The following NRG1 variants were observed in gnomAD, a reference collection of about 807,000 sequenced individuals.
NRG1 encodes pro-neuregulin-1, membrane-bound isoform.
In NRG1, 18 loss-of-function variants were observed where a neutral mutation model predicts 63.8. That is an observed-to-expected ratio of 0.28 (90% CI 0.19 to 0.42). The LOEUF (loss-of-function observed/expected upper bound fraction) is 0.42. NRG1 is among the 10% of genes least tolerant of loss of function. The pLI, the probability that NRG1 is intolerant of heterozygous loss-of-function variation, is 1.00. For missense variants in NRG1, 762 were observed against 814.7 expected (o/e 0.94, Z 0.79); for synonymous variants, 302 against 301.3 (o/e 1.00, Z -0.02).
rs1285325036 is a variant in NRG1 at position 32,381,804 on chromosome 8, A to G, written c.38-214024A>G. On this transcript the variant is annotated intron_variant, in intron 1 of 10. Coordinates refer to the NRG1 transcript ENST00000519301. The stretch of plus-strand genomic sequence containing the variant: ...ATGACCCTGTTGAACTATACAAAAT[A>G]TAAACAAAGAACAATATCTGAAACA... Among the ~76,000 whole-genome samples the G allele has an allele frequency of 3.3e-5, 5 of 152,236 alleles. No individual in the cohort carries two copies. The East Asian group carries it at 5.8e-4, about 18-fold the overall frequency.
chr8:31,810,105 A>G (rs781130538), intron 1 of NRG1, among the ~76,000 whole-genome samples: 2 of 151,996 alleles, frequency 1.3e-5, no homozygotes. Context: ...TACATTCTAC[A>G]TCCAATGTAT....
chr8:31,803,762 C>T (rs1489782119), intron 1 of NRG1, among the ~76,000 whole-genome samples: 2 of 152,182 alleles, frequency 1.3e-5, no homozygotes, highest in African/African-American at 2.4e-5. Context: ...CTTTCCATGG[C>T]CTAAAGGGTC....
chr8:31,796,414 C>CTTTTTTTTTTTTTTTTTTTTTT (rs1158508289), intron 1 of NRG1, among the ~76,000 whole-genome samples: 1 of 43,340 alleles, frequency 2.3e-5, no homozygotes. Context: ...GGCGTATAAT[C>CTTTTTTTTTTTTTTTTTTTTTT]TTTTTTTTTT....
intron 1 of NRG1, among the ~76,000 whole-genome samples, chr8:31,691,798 TGAA>T (rs773942152): frequency 1.3e-5 from 2 of 152,112 alleles, no homozygotes; most frequent in Non-Finnish European, 2.9e-5. Context: ...TCTACAGAGA[TGAA>T]TCTAGTTCTT....
chr8:32,123,599 T>C (rs1208865984), intron 1 of NRG1, among the ~76,000 whole-genome samples: 3 of 148,500 alleles, frequency 2.0e-5, no homozygotes, highest in Non-Finnish European at 3.0e-5. Context: ...TATATACTTA[T>C]ATATAATAAT....
intron 7 of NRG1, among the ~76,000 whole-genome samples, chr8:32,744,315 C>T (rs964934240): frequency 6.6e-6 from 1 of 152,048 alleles, no homozygotes. Flanking sequence ...TCAAAGACAA[C>T]TTCGTAGGCC....
chr8:32,427,390 G>T (rs1411192319), intron 1 of NRG1, among the ~76,000 whole-genome samples: 1 of 151,942 alleles, frequency 6.6e-6, no homozygotes, highest in Non-Finnish European at 1.5e-5. Flanking sequence ...TCCTTCCTGC[G>T]ATCACAGCTG....
At chr8:32,412,731 A>G (rs1458730546) in intron 1 of NRG1, among the ~76,000 whole-genome samples, 4 of 151,982 alleles carry the variant, frequency 2.6e-5, no homozygotes, top group African/African-American at 9.6e-5. Context: ...TGAATACTGG[A>G]GGCAATTTCT....
At chr8:32,544,959 T>G (rs1011923691), upstream of NRG1, among the ~76,000 whole-genome samples, 4 of 147,244 alleles carry the variant, frequency 2.7e-5, no homozygotes, top group African/African-American at 7.5e-5. Flanking sequence ...TTGTTGCAGT[T>G]TTTAAAAAAG....
At chr8:31,912,062 G>T (rs1832986592) in intron 1 of NRG1, among the ~76,000 whole-genome samples, 1 of 152,106 alleles carries the variant, frequency 6.6e-6, no homozygotes, top group Non-Finnish European at 1.5e-5. Context: ...TGATAGACTT[G>T]TTGTGAGTGT....
chr8:31,779,808 A>G (rs1469966967), intron 1 of NRG1, among the ~76,000 whole-genome samples: 1 of 152,242 alleles, frequency 6.6e-6, no homozygotes, highest in Admixed American at 6.5e-5. Flanking sequence ...TTTCTATTAT[A>G]TAAAATGAGA....
At chr8:31,808,800 C>T (rs35646109) in intron 1 of NRG1, among the ~76,000 whole-genome samples, 7,805 of 152,060 alleles carry the variant, frequency 0.051, 270 homozygotes, top group Admixed American at 0.11. Flanking sequence ...AGATTGCCAT[C>T]GTTTCATTTT....
At chr8:32,365,524 A>G (rs1807852318) in intron 1 of NRG1, among the ~76,000 whole-genome samples, 1 of 152,046 alleles carries the variant, frequency 6.6e-6, no homozygotes, top group Non-Finnish European at 1.5e-5. Flanking sequence ...TTGATATTTG[A>G]CCCATCTGGA....
At chr8:32,692,620 C>T (rs1038911184) in intron 5 of NRG1, among the ~76,000 whole-genome samples, 2 of 152,134 alleles carry the variant, frequency 1.3e-5, no homozygotes, top group African/African-American at 4.8e-5. Context: ...GTGCAATGAA[C>T]AACAGCATTT....
intron 1 of NRG1, among the ~76,000 whole-genome samples, chr8:32,008,623 G>A (rs372380361): frequency 5.3e-5 from 8 of 151,864 alleles, no homozygotes; most frequent in African/African-American, 1.9e-4. Context: ...AAAAGTTTTC[G>A]GTGACTCGTA....
chr8:32,703,418 ATGT>A (rs1206396687), intron 5 of NRG1, among the ~76,000 whole-genome samples: 46 of 80,022 alleles, frequency 5.7e-4, no homozygotes, highest in African/African-American at 8.9e-4. Context: ...CTCACTAATG[ATGT>A]TTTTTTTTTT....
At chr8:32,602,014 G>A (rs553812538) in intron 2 of NRG1, among the ~76,000 whole-genome samples, 119 of 152,120 alleles carry the variant, frequency 7.8e-4, no homozygotes, top group South Asian at 7.3e-3. Context: ...ACCAGTTTTC[G>A]TACGTGAATG....
At chr8:31,760,032 C>G (rs1054135669) in intron 1 of NRG1, among the ~76,000 whole-genome samples, 4 of 152,010 alleles carry the variant, frequency 2.6e-5, no homozygotes, top group Non-Finnish European at 5.9e-5. Flanking sequence ...CAGTTACTTC[C>G]TCCTCTGATA....
chr8:32,395,266 C>T (rs1290305777), intron 1 of NRG1, among the ~76,000 whole-genome samples: 1 of 152,156 alleles, frequency 6.6e-6, no homozygotes, highest in African/African-American at 2.4e-5. Context: ...AGTGGTAGAA[C>T]CAGGACTGGG....
Sources: gnomAD v4.1 joint callset for allele counts (sites outside exome capture counted in the v4.1 genomes callset) on GRCh38, gnomAD v4.1.1 for gene constraint, MANE v1.5 for transcripts, NCBI Gene and HGNC (gene_info 2026-07-23, HGNC 2026-07-21) for gene names.